Variants in CDH4 observed in about 807,000 individuals in gnomAD.
CDH4 encodes cadherin 4.
CDH4 carries 33 observed loss-of-function variants against 86.0 expected under a neutral mutation model. The ratio of observed to expected loss-of-function variants is 0.38; its 90% confidence interval spans 0.29 to 0.51. The LOEUF is 0.51. Among genes scored for constraint, CDH4 ranks in the 20% least tolerant of loss-of-function variants. The pLI is 0.86. For missense variants in CDH4, 1,114 were observed against 1,307.4 expected (o/e 0.85, Z 2.28); for synonymous variants, 555 against 549.4 (o/e 1.01, Z -0.14).
intron 2 of CDH4, among the ~76,000 whole-genome samples, chr20:61,465,613 CAT>C: frequency 6.6e-6 from 1 of 152,060 alleles, no homozygotes; most frequent in East Asian, 1.9e-4. Context: ...TCTTGGTGGA[CAT>C]ATGTTTGAAC....
chr20:61,690,814 G>T (rs1040551851), intron 2 of CDH4, among the ~76,000 whole-genome samples: 2 of 152,120 alleles, frequency 1.3e-5, no homozygotes, highest in African/African-American at 4.8e-5. Flanking sequence ...GGAGACAAGG[G>T]AAAGTGGCCT....
Position 61,480,156 on chromosome 20 carries a change from T to C in CDH4, c.169+225219T>C, listed in dbSNP as rs2085560928. On this transcript the variant is annotated intron_variant, in intron 2 of 15. Coordinates refer to ENST00000614565, the MANE Select transcript of CDH4 (RefSeq NM_001794.5). The surrounding 1 kb of genome is among the most constrained non-coding windows in gnomAD (Gnocchi z 5.2). ...AATTCTGTCATCCTGATATATTTTATTGATTGCTTTTTATTCTCATGGGCC... is the reference window on the plus strand; with the variant it reads ...AATTCTGTCATCCTGATATATTTTACTGATTGCTTTTTATTCTCATGGGCC... Among the ~76,000 whole-genome samples the C allele has an allele frequency of 6.6e-6, 1 of 150,734 alleles. No individual in the cohort carries two copies. Among genetic ancestry groups the C allele is most frequent in the African/African-American group, 2.5e-5 (1 of 40,044 alleles).
At position 61,417,385 on chromosome 20, in the gene CDH4, C is replaced by T. The variant is rs2085152819; in HGVS notation, c.169+162448C>T. Among the ~76,000 whole-genome samples the T allele has an allele frequency of 6.6e-6, 1 of 152,112 alleles. No individual in the cohort carries two copies. The highest frequency in any genetic ancestry group is 1.5e-5 in the Non-Finnish European group (1 of 68,030). On this transcript the variant is annotated intron_variant, in intron 2 of 15. Transcript: ENST00000614565. This position sits in a 1 kb window ranked among gnomAD's most constrained non-coding sequence, Gnocchi z 4.0. ...CTCCCTCTCCCTGTTACCAGCAAAC[C>T]TGCTGAGGTCACCTATTCCACCTTG...
chr20:61,695,219 G>A (rs1036140601), intron 2 of CDH4, among the ~76,000 whole-genome samples: 3 of 152,232 alleles, frequency 2.0e-5, no homozygotes, highest in Admixed American at 6.5e-5. Flanking sequence ...ACCGAACAAG[G>A]AGAGGATTAA....
At chr20:61,888,138 G>T (rs970879097) in intron 7 of CDH4, among the ~76,000 whole-genome samples, 3 of 152,188 alleles carry the variant, frequency 2.0e-5, no homozygotes, top group Admixed American at 6.5e-5. Flanking sequence ...GGGGAGCGGG[G>T]ACTGAAGTGA....
intron 2 of CDH4, among the ~76,000 whole-genome samples, chr20:61,429,730 A>G (rs1476281614): frequency 3.1e-5 from 4 of 130,116 alleles, no homozygotes; most frequent in African/African-American, 9.7e-5. Flanking sequence ...TGGGTGCATG[A>G]ATAGATGGAT....
intron 2 of CDH4, among the ~76,000 whole-genome samples, chr20:61,320,549 C>A (rs1360807961): frequency 6.6e-6 from 1 of 151,906 alleles, no homozygotes; most frequent in Non-Finnish European, 1.5e-5. Flanking sequence ...GTTCTGCCCC[C>A]AGAGAGCACT....
intron 7 of CDH4, among the ~76,000 whole-genome samples, chr20:61,878,042 TC>T (rs2146158047): frequency 6.6e-6 from 1 of 152,072 alleles, no homozygotes; most frequent in Non-Finnish European, 1.5e-5. Flanking sequence ...GGCGTGGTCA[TC>T]CCAGAGAGGA....
intron 5 of CDH4, among the ~76,000 whole-genome samples, chr20:61,850,546 C>T (rs1299053625): frequency 7.2e-5 from 11 of 152,256 alleles, no homozygotes; most frequent in Admixed American, 5.9e-4. Context: ...TGTCAACAGA[C>T]ACATTTCCCC....
At chr20:61,448,198 T>G (rs2085362687) in intron 2 of CDH4, among the ~76,000 whole-genome samples, 2 of 152,262 alleles carry the variant, frequency 1.3e-5, no homozygotes, top group South Asian at 4.1e-4. Flanking sequence ...ACATTTGCAC[T>G]TAATTCCTTC....
rs114346138 is a variant in CDH4, at chr20:61,724,371, G to A, written c.170-19192G>A. Among the ~76,000 whole-genome samples, 700 of 152,280 alleles carry A rather than the reference G, an allele frequency of 4.6e-3. 7 individuals are homozygous for A. Among genetic ancestry groups the A allele is most frequent in the African/African-American group, 0.016 (667 of 41,556 alleles). ...ACCGCAGTTCAGAACCCCGTGTCCC[G>A]CCAAGACTCCCCATGAAGGCCCTCA... On this transcript the variant is annotated intron_variant, in intron 2 of 15. Transcript: ENST00000614565.
At chr20:61,846,561 CAGAG>C (rs531884151) in intron 5 of CDH4, among the ~76,000 whole-genome samples, 130 of 152,104 alleles carry the variant, frequency 8.5e-4, no homozygotes, top group African/African-American at 3.1e-3. Flanking sequence ...GACAGAGACA[CAGAG>C]AGAGACATAG....
intron 2 of CDH4, among the ~76,000 whole-genome samples, chr20:61,489,173 G>C (rs1363037785): frequency 6.6e-6 from 1 of 152,116 alleles, no homozygotes; most frequent in Non-Finnish European, 1.5e-5. Flanking sequence ...AGAGAGCTTT[G>C]CATGTGACAG....
intron 2 of CDH4, among the ~76,000 whole-genome samples, chr20:61,306,519 G>C (rs887185151): frequency 2.6e-5 from 4 of 151,974 alleles, no homozygotes; most frequent in Non-Finnish European, 5.9e-5. Flanking sequence ...TGTATTTTTA[G>C]TAGAGATGGG....
At chr20:61,716,399 G>A (rs1031738378) in intron 2 of CDH4, among the ~76,000 whole-genome samples, 1 of 152,188 alleles carries the variant, frequency 6.6e-6, no homozygotes, top group Admixed American at 6.5e-5. Context: ...GTAAAGGGGT[G>A]GACGCTCATC....
chr20:61,682,353 AATGGATGG>A (rs553737381), intron 2 of CDH4, among the ~76,000 whole-genome samples: 1 of 128,724 alleles, frequency 7.8e-6, no homozygotes, highest in Non-Finnish European at 1.6e-5. Flanking sequence ...GAGATAGATG[AATGGATGG>A]ATGGATGGAT....
At chr20:61,595,171 C>G (rs1474461638) in intron 2 of CDH4, among the ~76,000 whole-genome samples, 1 of 152,230 alleles carries the variant, frequency 6.6e-6, no homozygotes, top group East Asian at 1.9e-4. Context: ...AAACTGTAGG[C>G]CCTTAGGCAT....
chr20:61,305,505 C>T (rs571243827), intron 2 of CDH4, among the ~76,000 whole-genome samples: 48 of 152,334 alleles, frequency 3.2e-4, no homozygotes, highest in Admixed American at 1.6e-3. Context: ...CTTTGAACAG[C>T]CTGAGGTCCT....
chr20:61,600,669 C>T (rs1220794790), intron 2 of CDH4, among the ~76,000 whole-genome samples: 5 of 152,186 alleles, frequency 3.3e-5, no homozygotes, highest in Admixed American at 3.3e-4. Context: ...ATCCGAGGAT[C>T]CTTAAGTCCC....
Sources: gnomAD v4.1 joint callset for allele counts (sites outside exome capture counted in the v4.1 genomes callset) on GRCh38, gnomAD v4.1.1 for gene constraint, Gnocchi (gnomAD v3.1) non-coding constraint, MANE v1.5 for transcripts, NCBI Gene and HGNC (gene_info 2026-07-23, HGNC 2026-07-21) for gene names.